The following BICC1 variants were observed in gnomAD, a reference collection of about 807,000 sequenced individuals.
The protein encoded by BICC1 is protein bicaudal C homolog 1.
Under a neutral mutation model 111.0 loss-of-function variants are expected in BICC1, and 43 were observed. The ratio of observed to expected loss-of-function variants is 0.39; its 90% CI spans 0.30 to 0.50. BICC1 has a LOEUF of 0.50. Among genes scored for constraint, BICC1 ranks in the 20% least tolerant of loss-of-function variants. The pLI, the probability that BICC1 is intolerant of heterozygous loss-of-function variation, is 0.88. For missense variants in BICC1, 1,091 were observed against 1,203.2 expected (o/e 0.91, Z 1.38); for synonymous variants, 467 against 434.4 (o/e 1.07, Z -0.93).
chr10:58,782,121 C>T (rs1316192585), intron 3 of BICC1, among the ~76,000 whole-genome samples: 1 of 151,984 alleles, frequency 6.6e-6, no homozygotes, highest in South Asian at 2.1e-4. Flanking sequence ...TCTGTTGAGG[C>T]GTTTGCTTTT....
chr10:58,723,031 T>G lies in BICC1; in HGVS notation c.307+20888T>G, dbSNP rs371184931. On this transcript the variant is annotated intron_variant, in intron 3 of 20. Coordinates refer to ENST00000373886, the MANE Select transcript of BICC1 (RefSeq NM_001080512.3). ...ACTTTGCTCATTTTATTGAAATAAC[T>G]GATTTCAATTTCTGGTTTCTAGTCT... Among the ~76,000 whole-genome samples, 25 of 152,338 alleles carry G rather than the reference T, an allele frequency of 1.6e-4. No individual in the cohort carries two copies. In the East Asian group the frequency reaches 3.3e-3, roughly 20 times the overall value.
intron 5 of BICC1, 46 bp downstream of exon 5, chr10:58,787,127 T>C: frequency 6.8e-7 from 1 of 1,471,360 alleles, no homozygotes; most frequent in Non-Finnish European, 9.0e-7. Flanking sequence ...AATTACAGCC[T>C]TAATTTAATT....
intron 1 of BICC1, among the ~76,000 whole-genome samples, chr10:58,590,601 G>C (rs1189865040): frequency 3.3e-5 from 5 of 152,238 alleles, no homozygotes; most frequent in African/African-American, 1.2e-4. Flanking sequence ...GGAAGTGAGT[G>C]TATTTCCCTT....
chr10:58,679,355 T>A (rs1394695689), intron 2 of BICC1, among the ~76,000 whole-genome samples: 2 of 152,098 alleles, frequency 1.3e-5, no homozygotes, highest in Middle Eastern at 3.2e-3. Context: ...AAAGGGGATC[T>A]CACTACTGAT....
intron 1 of BICC1, among the ~76,000 whole-genome samples, chr10:58,537,698 A>G (rs923742295): frequency 2.6e-5 from 4 of 151,672 alleles, no homozygotes; most frequent in South Asian, 4.1e-4. Flanking sequence ...ACTTATGTCT[A>G]TTTGCTGATG....
chr10:58,621,423 T>C (rs1425605663), intron 2 of BICC1, among the ~76,000 whole-genome samples: 2 of 152,222 alleles, frequency 1.3e-5, no homozygotes, highest in Non-Finnish European at 2.9e-5. Context: ...TGGTGTTATC[T>C]GACATTGGTT....
chr10:58,829,957 A>G lies in BICC1; in HGVS notation c.*1066A>G, dbSNP rs1322628512. The G allele has an allele frequency of 6.6e-6, 1 of 152,172 alleles. No individual in the cohort carries two copies. Among genetic ancestry groups the G allele is most frequent in the African/African-American group, 2.4e-5 (1 of 41,456 alleles). 9.4% of individuals were successfully genotyped at this position (152,172 alleles called of 1,614,324 possible). On this transcript the variant is annotated 3_prime_UTR_variant, in exon 21 of 21. Coordinates refer to ENST00000373886, the MANE Select transcript of BICC1 (RefSeq NM_001080512.3). Reference sequence around the variant, plus strand: ...AAAAGACAAATAATCATCTGACAAGACAGCACTGTTGCCATTATAAGGAGA... The same window carrying G: ...AAAAGACAAATAATCATCTGACAAGGCAGCACTGTTGCCATTATAAGGAGA...
chr10:58,627,923 A>G (rs1000911938), intron 2 of BICC1, among the ~76,000 whole-genome samples: 1 of 152,212 alleles, frequency 6.6e-6, no homozygotes, highest in African/African-American at 2.4e-5. Context: ...TATATCAGAC[A>G]TTGGATTATT....
chr10:58,514,812 G>T (rs1374836642), intron 1 of BICC1, among the ~76,000 whole-genome samples: 1 of 152,058 alleles, frequency 6.6e-6, no homozygotes, highest in Non-Finnish European at 1.5e-5. Flanking sequence ...CAGTTATTTC[G>T]TCTGTTCTGT....
chr10:58,615,483 T>G (rs1845572262), intron 1 of BICC1, among the ~76,000 whole-genome samples: 1 of 152,162 alleles, frequency 6.6e-6, no homozygotes, highest in African/African-American at 2.4e-5. Flanking sequence ...CGTGCTTTGC[T>G]CAGAGCCACT....
chr10:58,808,452 A>G (rs567031762), intron 17 of BICC1, among the ~76,000 whole-genome samples: 5 of 152,184 alleles, frequency 3.3e-5, no homozygotes, highest in African/African-American at 9.6e-5. Context: ...TATAGTTTCA[A>G]AGATGAAGTA....
intron 1 of BICC1, among the ~76,000 whole-genome samples, chr10:58,617,254 A>C (rs6481409): frequency 0.48 from 72,426 of 152,148 alleles, 17,652 homozygotes; most frequent in African/African-American, 0.57. Flanking sequence ...AGCGGGATGG[A>C]TGCATTCATG....
chr10:58,531,337 CTT>C (rs1471263659), intron 1 of BICC1, among the ~76,000 whole-genome samples: 1 of 151,892 alleles, frequency 6.6e-6, no homozygotes, highest in East Asian at 2.0e-4. Flanking sequence ...AACCAGAAAA[CTT>C]TGTCTGGTTG....
In BICC1 at chr10:58,629,857, C is replaced by A. The variant is rs573211531; in HGVS notation, c.237+8956C>A. Among the ~76,000 whole-genome samples, 970 of 152,164 alleles carry A rather than the reference C, an allele frequency of 6.4e-3. 9 individuals carry two copies. Among genetic ancestry groups the A allele is most frequent in the African/African-American group, 0.022 (927 of 41,514 alleles). On this transcript the variant is annotated intron_variant, in intron 2 of 20. Coordinates refer to ENST00000373886, the MANE Select transcript of BICC1 (RefSeq NM_001080512.3). The stretch of plus-strand genomic sequence containing the variant: ...GTTGCGTTAAAATTTGTTTTTTGGC[C>A]AATTCAATTCTTTAACCTTTAGGCA...
At chr10:58,513,905 G>A (rs553862573) in intron 1 of BICC1, among the ~76,000 whole-genome samples, 1 of 152,312 alleles carries the variant, frequency 6.6e-6, no homozygotes, top group South Asian at 2.1e-4. Context: ...CCAAAGCGAG[G>A]GGGGAGTGTG....
At position 58,764,683 on chromosome 10, in the gene BICC1, C is replaced by G. The variant is rs532707981; in HGVS notation, c.308-20318C>G. Among the ~76,000 whole-genome samples the G allele has an allele frequency of 8.4e-5, 12 of 143,404 alleles. No individual in the cohort carries two copies. The East Asian group carries it at 2.5e-3, about 29-fold the overall frequency. The allele number at this position is 143,404 out of a possible 152,430, so 94.1% of individuals were successfully genotyped here. On this transcript the variant is annotated intron_variant, in intron 3 of 20. Transcript: ENST00000373886. ...CTTGACATTTTCCACTTTCTTTCTC[C>G]TAAAACAAGAAAGGGGACAGGTTGT...
intron 3 of BICC1, among the ~76,000 whole-genome samples, chr10:58,747,269 T>C (rs1258929664): frequency 6.6e-6 from 1 of 152,148 alleles, no homozygotes; most frequent in Non-Finnish European, 1.5e-5. Flanking sequence ...GCTGTCTTTA[T>C]TGCACCCAAA....
intron 2 of BICC1, among the ~76,000 whole-genome samples, chr10:58,667,640 G>A (rs1839058498): frequency 1.3e-5 from 2 of 152,026 alleles, no homozygotes; most frequent in South Asian, 4.1e-4. Flanking sequence ...AAGGCAATAG[G>A]GTAGAGGGGA....
rs775814783 is a variant in BICC1 at position 58,785,107 on chromosome 10, T to C, written c.387+27T>C. On this transcript the variant is annotated intron_variant, in intron 4 of 20. Transcript: ENST00000373886. ...TAAGTGAATGTTAAGGACACTCAGA[T>C]GTCAGAACCTTGTCTCTACAAGGGC... 2.2e-6 allele frequency: 3 copies of C among 1,394,450 alleles called. No individual in the cohort carries two copies. The South Asian group carries it at 4.0e-5, about 19-fold the overall frequency. 86.4% of individuals were successfully genotyped at this position (1,394,450 alleles called of 1,614,324 possible). A position where few individuals can be genotyped will look rare whatever the true frequency, so the allele number is the denominator to read the frequency against.
Sources: gnomAD v4.1 joint callset for allele counts (sites outside exome capture counted in the v4.1 genomes callset) on GRCh38, gnomAD v4.1.1 for gene constraint, MANE v1.5 for transcripts, NCBI Gene and HGNC (gene_info 2026-07-23, HGNC 2026-07-21) for gene names.